BCAR3: variants seen among roughly 807,000 people sequenced by gnomAD.
The protein encoded by BCAR3 is BCAR3 adaptor protein, NSP family member.
Under a neutral mutation model 80.1 loss-of-function variants are expected in BCAR3, and 37 were observed. That is an observed-to-expected ratio of 0.46 (90% CI 0.36 to 0.61). The LOEUF is 0.61. Among genes scored for constraint, BCAR3 ranks in the 20% least tolerant of loss-of-function variants. The pLI is 0.00. For synonymous variants in BCAR3, 389 were observed against 418.9 expected (o/e 0.93, Z 0.87); for missense variants, 978 against 1,068.2 (o/e 0.92, Z 1.18).
intron 2 of BCAR3, among the ~76,000 whole-genome samples, chr1:93,720,546 C>A (rs1169550611): frequency 2.0e-5 from 3 of 152,188 alleles, no homozygotes; most frequent in Non-Finnish European, 4.4e-5. Flanking sequence ...CACTCGCCTT[C>A]CCAGACCACA....
At chr1:93,661,640 A>T (rs1414326366) in intron 2 of BCAR3, among the ~76,000 whole-genome samples, 1 of 151,186 alleles carries the variant, frequency 6.6e-6, no homozygotes, top group Non-Finnish European at 1.5e-5. Flanking sequence ...GGCATGTATC[A>T]CCACACCCGG....
Position 93,561,950 on chromosome 1 carries a change from T to C in BCAR3, c.*291A>G, listed in dbSNP as rs1464493410. ...TTAAAACTAAAATGGTCAAATACCA[T>C]GATAATAGAAAGCAACCAGCCAACA... On this transcript the variant is annotated 3_prime_UTR_variant, in exon 12 of 12. Coordinates refer to ENST00000260502, the MANE Select transcript of BCAR3 (RefSeq NM_003567.4). The C allele has an allele frequency of 7.9e-6, 2 of 252,086 alleles. No homozygotes were observed. The highest frequency in any genetic ancestry group is 2.2e-5 in the African/African-American group (1 of 45,026). The allele number at this position is 252,086 out of a possible 1,614,324, so 15.6% of individuals were successfully genotyped here. A position where few individuals can be genotyped will look rare whatever the true frequency, so the allele number is the denominator to read the frequency against.
rs181397647 is a variant in BCAR3, at chr1:93,818,982, T to C, written c.-63+26585A>G. Among the ~76,000 whole-genome samples, 207 of 152,262 alleles carry C rather than the reference T, an allele frequency of 1.4e-3. 2 individuals carry two copies. The highest frequency in any genetic ancestry group is 4.7e-3 in the African/African-American group (195 of 41,542). On this transcript the variant is annotated intron_variant, in intron 2 of 13. Coordinates refer to the BCAR3 transcript ENST00000370244. ...AATGTATATATGATATTTTTGTAAA[T>C]AGAAAAGTATCAAATGTTTGTTATA... is the stretch of plus-strand genomic sequence containing the variant.
chr1:93,835,974 C>T (rs1654752575), intron 2 of BCAR3, among the ~76,000 whole-genome samples: 1 of 152,178 alleles, frequency 6.6e-6, no homozygotes, highest in Non-Finnish European at 1.5e-5. Flanking sequence ...TCAAATCACC[C>T]AGTTTCTCAG....
chr1:93,747,061 G>A (rs1026672511), intron 2 of BCAR3, among the ~76,000 whole-genome samples: 2 of 152,140 alleles, frequency 1.3e-5, no homozygotes, highest in Non-Finnish European at 2.9e-5. Context: ...TATTTTTAAT[G>A]GACATTTATC....
intron 2 of BCAR3, among the ~76,000 whole-genome samples, chr1:93,805,427 C>A (rs1280792049): frequency 1.3e-5 from 2 of 152,172 alleles, no homozygotes; most frequent in Non-Finnish European, 2.9e-5. Context: ...GCAGTTGACA[C>A]CCTCGCTTGT....
At chr1:93,681,122 C>T (rs113376874) in intron 1 of BCAR3, 95 of 152,446 alleles carry the variant, frequency 6.2e-4, no homozygotes, top group African/African-American at 2.0e-3. Context: ...AAACTCGCCT[C>T]CTCGGAGCCT....
At chr1:93,657,467 G>A (rs566060129) in intron 2 of BCAR3, among the ~76,000 whole-genome samples, 1 of 152,146 alleles carries the variant, frequency 6.6e-6, no homozygotes, top group African/African-American at 2.4e-5. Flanking sequence ...AACAGACAAA[G>A]TCAGTAAAAG....
At chr1:93,669,028 T>TA (rs991217465) in intron 2 of BCAR3, among the ~76,000 whole-genome samples, 1 of 152,052 alleles carries the variant, frequency 6.6e-6, no homozygotes, top group Non-Finnish European at 1.5e-5. Context: ...TTTTTTTTTT[T>TA]AACTCAAAAT....
intron 3 of BCAR3, among the ~76,000 whole-genome samples, chr1:93,625,721 C>T (rs1029309170): frequency 1.3e-5 from 2 of 152,146 alleles, no homozygotes; most frequent in Non-Finnish European, 2.9e-5. Context: ...AAGGAAATTG[C>T]CTTGAAGGGC....
At chr1:93,700,899 G>A (rs527400761) in intron 3 of BCAR3, among the ~76,000 whole-genome samples, 4 of 152,370 alleles carry the variant, frequency 2.6e-5, no homozygotes, top group East Asian at 1.9e-4. Context: ...GCCCACAGGC[G>A]TCTGCCGTCC....
intron 2 of BCAR3, among the ~76,000 whole-genome samples, chr1:93,720,483 G>A (rs955517599): frequency 6.6e-6 from 1 of 152,086 alleles, no homozygotes; most frequent in African/African-American, 2.4e-5. Context: ...ATTCAGTAGA[G>A]GGGCTTCTGC....
intron 3 of BCAR3, among the ~76,000 whole-genome samples, chr1:93,701,633 A>G (rs1266509316): frequency 6.6e-6 from 1 of 152,232 alleles, no homozygotes; most frequent in Non-Finnish European, 1.5e-5. Flanking sequence ...GGGGCTGGGC[A>G]GGCCCACAGG....
chr1:93,592,655 G>A lies in BCAR3; in HGVS notation c.358-262C>T. On this transcript the variant is annotated intron_variant, in intron 3 of 11. Transcript: ENST00000260502. This position sits in a 1 kb window ranked among gnomAD's most constrained non-coding sequence, Gnocchi z 4.8. The stretch of plus-strand genomic sequence containing the variant: ...CTTTTACCAGTCTACTCAAGCAGCT[G>A]GGCAGGAAGGGCCAGAGAGATGTAC... The A allele has an allele frequency of 2.6e-6, 1 of 377,382 alleles. No homozygotes were observed. The highest frequency in any genetic ancestry group is 4.8e-6 in the Non-Finnish European group (1 of 208,118). 23.4% of individuals were successfully genotyped at this position (377,382 alleles called of 1,614,324 possible).
At chr1:93,815,258 C>T (rs1348374087) in intron 2 of BCAR3, among the ~76,000 whole-genome samples, 2 of 152,186 alleles carry the variant, frequency 1.3e-5, no homozygotes, top group Non-Finnish European at 2.9e-5. Flanking sequence ...TCAGTGCTCT[C>T]CTAGGATGCC....
chr1:93,616,839 G>A (rs1466837311), intron 3 of BCAR3, among the ~76,000 whole-genome samples: 1 of 152,208 alleles, frequency 6.6e-6, no homozygotes, highest in South Asian at 2.1e-4. Flanking sequence ...CTCTGGAAAA[G>A]GTCCTACAGG....
intron 2 of BCAR3, among the ~76,000 whole-genome samples, chr1:93,818,202 A>G: frequency 6.6e-6 from 1 of 152,264 alleles, no homozygotes; most frequent in East Asian, 1.9e-4. Context: ...TAACACGTAC[A>G]TCAGTGCTTT....
intron 2 of BCAR3, among the ~76,000 whole-genome samples, chr1:93,669,586 C>T (rs1349280397): frequency 1.3e-5 from 2 of 152,232 alleles, no homozygotes; most frequent in Non-Finnish European, 2.9e-5. Flanking sequence ...AGGAATTAGG[C>T]ACTCACAGCT....
At chr1:93,802,216 G>T (rs1298305471) in intron 2 of BCAR3, among the ~76,000 whole-genome samples, 1 of 151,894 alleles carries the variant, frequency 6.6e-6, no homozygotes, top group Non-Finnish European at 1.5e-5. Context: ...AGGCTGAGGT[G>T]GGAAGATCAT....
Sources: gnomAD v4.1 joint callset for allele counts (sites outside exome capture counted in the v4.1 genomes callset) on GRCh38, gnomAD v4.1.1 for gene constraint, Gnocchi (gnomAD v3.1) non-coding constraint, MANE v1.5 for transcripts, NCBI Gene and HGNC (gene_info 2026-07-23, HGNC 2026-07-21) for gene names.